Variants in CDKN2A observed in about 807,000 individuals in gnomAD.
The protein encoded by CDKN2A is cyclin-dependent kinase inhibitor 2A.
In CDKN2A, 3 loss-of-function variants were observed where a neutral mutation model predicts 11.1. The ratio of observed to expected loss-of-function variants is 0.27; its 90% CI spans 0.12 to 0.70. The LOEUF is 0.70. Ranked by LOEUF, CDKN2A falls within the 30% of genes least tolerant of loss-of-function variation. The pLI is 0.77. For missense variants in CDKN2A, 265 were observed against 233.6 expected (o/e 1.13, Z -0.88); for synonymous variants, 122 against 108.1 (o/e 1.13, Z -0.80).
intron 1 of CDKN2A, chr9:21,994,790 T>G: frequency 2.0e-5 from 3 of 149,972 alleles, no homozygotes; most frequent in Non-Finnish European, 3.9e-5. Flanking sequence ...GCTCGCCCCC[T>G]AGCTACATCC....
Position 21,968,767 on chromosome 9 carries a change from C to A in CDKN2A, c.458-525G>T, listed in dbSNP as rs1448745459. ...TACAAACCCACAAATGGTTTCCGATCATTTCTGAAACAAAATGGATGCTCA... is the reference window on the plus strand; with the variant it reads ...TACAAACCCACAAATGGTTTCCGATAATTTCTGAAACAAAATGGATGCTCA... On this transcript the variant is annotated intron_variant, in intron 2 of 2. Transcript: ENST00000304494. This position sits in a 1 kb window ranked among gnomAD's most constrained non-coding sequence, Gnocchi z 4.7. The A allele has an allele frequency of 2.0e-6, 3 of 1,536,128 alleles. No homozygotes were observed. The highest frequency in any genetic ancestry group is 1.2e-5 in the South Asian group (1 of 84,062).
rs575031539 is a variant in CDKN2A at position 21,971,020 on chromosome 9, C to G, written c.339G>C (p.Leu113=). 1 of 1,607,312 alleles carries G rather than the reference C, an allele frequency of 6.2e-7. No individual in the cohort carries two copies. Among genetic ancestry groups the G allele is most frequent in the Non-Finnish European group, 8.5e-7 (1 of 1,179,672 alleles). Residue 113 remains leucine, a synonymous_variant, in exon 2 of 3, where the codon CTG becomes CTC. Coordinates refer to ENST00000304494, the MANE Select transcript of CDKN2A (RefSeq NM_000077.5). ...RLDVRDAWGR[L]PVDLAEELGH... ...CCAGCTCCTCAGCCAGGTCCACGGG[C>G]AGACGGCCCCAGGCATCGCGCACGT... is the stretch of plus-strand genomic sequence containing the variant.
rs761002695 is a variant in CDKN2A, at chr9:21,994,194, C to A, written c.-175-141G>T. 1 of 1,606,324 alleles carries A rather than the reference C, an allele frequency of 6.2e-7. No homozygotes were observed. Among genetic ancestry groups the A allele is most frequent in the Non-Finnish European group, 8.5e-7 (1 of 1,179,884 alleles). On this transcript the variant is annotated intron_variant, in intron 1 of 3. Coordinates refer to the CDKN2A transcript ENST00000494262. ...GACGCTGGCTCCTCAGTAGCATCAG[C>A]ACGAGGGCCACAGCGGCGGGCGCCC...
At chr9:21,979,676 C>A (rs186777388), upstream of CDKN2A, among the ~76,000 whole-genome samples, 1 of 151,930 alleles carries the variant, frequency 6.6e-6, no homozygotes, top group African/African-American at 2.4e-5. Context: ...ATAAGATGGT[C>A]GGTTAGGAAG....
At chr9:21,985,817 C>G (rs1390473502) in intron 2 of CDKN2A, among the ~76,000 whole-genome samples, 1 of 151,866 alleles carries the variant, frequency 6.6e-6, no homozygotes, top group African/African-American at 2.4e-5. Context: ...TTACCTAACA[C>G]CTTGGAACAT....
At position 21,967,856 on chromosome 9, in the gene CDKN2A, G is replaced by C. The variant is rs3731255; in HGVS notation, c.*373C>G. On this transcript the variant is annotated 3_prime_UTR_variant, in exon 3 of 3. Transcript: ENST00000304494. ...CCAGTAACCCCCCTGAGCTTCCCTA[G>C]TTCACAAAATGCTTGTCATGAAGTC... The C allele has an allele frequency of 9.1e-3, 3,062 of 336,948 alleles. 67 individuals carry two copies. The highest frequency in any genetic ancestry group is 0.052 in the African/African-American group (2,529 of 48,392). 20.9% of individuals were successfully genotyped at this position (336,948 alleles called of 1,614,324 possible).
At chr9:21,990,985 G>A (rs1461499035) in intron 2 of CDKN2A, among the ~76,000 whole-genome samples, 1 of 152,210 alleles carries the variant, frequency 6.6e-6, no homozygotes, top group South Asian at 2.1e-4. Flanking sequence ...GCAACAAATA[G>A]AGAAGATATT....
chr9:21,968,371 C>T lies in CDKN2A; in HGVS notation c.458-129G>A, dbSNP rs1410415628. On this transcript the variant is annotated intron_variant, in intron 2 of 2. Transcript: ENST00000304494. The surrounding 1 kb of genome is among the most constrained non-coding windows in gnomAD (Gnocchi z 4.7). ...ATGGATAAAGTTCTCGCAATGGCTT[C>T]ACGTGCATGTACCCGCCGCCACCGC... 2 of 1,501,150 alleles carry T rather than the reference C, an allele frequency of 1.3e-6. No homozygotes were observed. The highest frequency in any genetic ancestry group is 2.4e-5 in the East Asian group (1 of 41,366). 93.0% of individuals were successfully genotyped at this position (1,501,150 alleles called of 1,614,324 possible).
chr9:21,992,029 C>G (rs1444133205), intron 2 of CDKN2A: 1 of 983,870 alleles, frequency 1.0e-6, no homozygotes, highest in Non-Finnish European at 1.2e-6. Context: ...TCAACTATGG[C>G]AATTTTTCAG....
chr9:21,983,391 T>G (rs185975698), intron 2 of CDKN2A, among the ~76,000 whole-genome samples: 2 of 152,196 alleles, frequency 1.3e-5, no homozygotes, highest in African/African-American at 2.4e-5. Context: ...TGAAATGAGC[T>G]TTTTCTAACT....
chr9:21,993,103 A>T (rs1290565102), intron 2 of CDKN2A, among the ~76,000 whole-genome samples: 1 of 152,248 alleles, frequency 6.6e-6, no homozygotes, highest in African/African-American at 2.4e-5. Context: ...TGCAGTAAAA[A>T]AATAATTACC....
intron 2 of CDKN2A, chr9:21,969,768 TC>T (rs1235071055): frequency 8.1e-6 from 2 of 245,870 alleles, no homozygotes; most frequent in Non-Finnish European, 1.5e-5. Context: ...CTTCTTCACC[TC>T]CCGGGACCTG....
intron 2 of CDKN2A, among the ~76,000 whole-genome samples, chr9:21,981,802 G>A (rs1006325320): frequency 6.6e-6 from 1 of 151,952 alleles, no homozygotes; most frequent in Admixed American, 6.6e-5. Context: ...CATTTTAAAC[G>A]GGAAAGAAAC....
intron 2 of CDKN2A, among the ~76,000 whole-genome samples, chr9:21,981,832 T>TG (rs1820205037): frequency 6.6e-6 from 1 of 152,060 alleles, no homozygotes. Context: ...GGTAAATAAT[T>TG]GCAAGGTATT....
chr9:21,979,825 TAGGGACACCTG>T (rs1820131593), upstream of CDKN2A, among the ~76,000 whole-genome samples: 1 of 152,162 alleles, frequency 6.6e-6, no homozygotes, highest in Non-Finnish European at 1.5e-5. Context: ...CATGACACAG[TAGGGACACCTG>T]ATTACTTTCT....
intron 2 of CDKN2A, chr9:21,989,840 CACATCGCTCCTGCGG>C (rs1235899331): frequency 3.3e-5 from 5 of 152,256 alleles, no homozygotes; most frequent in Non-Finnish European, 7.3e-5. Context: ...GATAACGGAT[CACATCGCTCCTGCGG>C]AAAGTGCGCG....
At position 21,981,698 on chromosome 9, in the gene CDKN2A, A is replaced by C. The variant is rs566349678; in HGVS notation, c.-3-10490T>G. On this transcript the variant is annotated intron_variant, in intron 2 of 3. Transcript: ENST00000494262. ...ACGGGTATAATCACAAACATGTAAA[A>C]ACAGATTGTGGTTTAGCCCCGAAGT... Among the ~76,000 whole-genome samples the C allele has an allele frequency of 8.5e-5, 13 of 152,196 alleles. No homozygotes were observed. In the South Asian group the frequency reaches 2.1e-3, roughly 24 times the overall value.
intron 2 of CDKN2A, among the ~76,000 whole-genome samples, chr9:21,990,651 A>AGAGAGAGAG (rs1464228871): frequency 2.9e-4 from 43 of 147,784 alleles, no homozygotes; most frequent in South Asian, 1.1e-3. Flanking sequence ...AGAGAGAGAG[A>AGAGAGAGAG]AACTGTTTAC....
chr9:21,980,737 A>C (rs923760920), intron 2 of CDKN2A, among the ~76,000 whole-genome samples: 9 of 151,528 alleles, frequency 5.9e-5, no homozygotes, highest in African/African-American at 2.2e-4. Flanking sequence ...AGGCGGGCGG[A>C]TCACGAGGTC....
Sources: allele counts gnomAD v4.1 joint callset (sites outside exome capture counted in the v4.1 genomes callset), GRCh38; gene constraint gnomAD v4.1.1; non-coding constraint Gnocchi (gnomAD v3.1); transcripts MANE v1.5; gene names NCBI Gene and HGNC (gene_info 2026-07-23, HGNC 2026-07-21).